The following FOXP2 variants were observed in gnomAD, a reference collection of about 807,000 sequenced individuals.
The protein encoded by FOXP2 is forkhead box P2.
Under a neutral mutation model 115.8 loss-of-function variants are expected in FOXP2, and 12 were observed. The ratio of observed to expected loss-of-function variants is 0.10; its 90% confidence interval spans 0.07 to 0.17. The LOEUF (loss-of-function observed/expected upper bound fraction) is 0.17, where lower values mean the gene tolerates loss of function less well. Among genes scored for constraint, FOXP2 ranks in the 10% least tolerant of loss-of-function variants. FOXP2 has a pLI of 1.00. For synonymous variants in FOXP2, 328 were observed against 297.7 expected (o/e 1.10, Z -1.05); for missense variants, 629 against 843.5 (o/e 0.75, Z 3.15).
chr7:114,406,106 T>C (rs2030913), intron 2 of FOXP2, among the ~76,000 whole-genome samples: 77,826 of 151,364 alleles, frequency 0.51, 20,476 homozygotes, highest in East Asian at 0.63. Context: ...CAACAAATTT[T>C]AAGATTTTAA....
intron 2 of FOXP2, among the ~76,000 whole-genome samples, chr7:114,377,541 T>C (rs1792172259): frequency 6.6e-6 from 1 of 152,206 alleles, no homozygotes; most frequent in Non-Finnish European, 1.5e-5. Flanking sequence ...AAATGTGCAG[T>C]CATATTCCCT....
chr7:114,093,340 C>T (rs1799579623), intron 1 of FOXP2, among the ~76,000 whole-genome samples: 1 of 152,150 alleles, frequency 6.6e-6, no homozygotes, highest in African/African-American at 2.4e-5. Context: ...AGTAACAAAT[C>T]CTCATGGATC....
chr7:114,294,821 A>G (rs1796697016), intron 2 of FOXP2, among the ~76,000 whole-genome samples: 1 of 152,014 alleles, frequency 6.6e-6, no homozygotes, highest in East Asian at 1.9e-4. Flanking sequence ...AGCCTGGGCA[A>G]CAGAAGGAGA....
intron 2 of FOXP2, among the ~76,000 whole-genome samples, chr7:114,309,254 G>A (rs932661292): frequency 2.0e-5 from 3 of 152,086 alleles, no homozygotes; most frequent in Non-Finnish European, 2.9e-5. Context: ...CTCTCTTCTC[G>A]TCACTCTGTG....
intron 2 of FOXP2, among the ~76,000 whole-genome samples, chr7:114,345,981 G>A (rs1000159372): frequency 1.3e-5 from 2 of 151,638 alleles, no homozygotes; most frequent in Non-Finnish European, 3.0e-5. Context: ...CATAGTTATA[G>A]TTTTTATAGT....
chr7:114,595,823 C>T (rs1344876446), intron 3 of FOXP2, among the ~76,000 whole-genome samples: 1 of 151,978 alleles, frequency 6.6e-6, no homozygotes, highest in Non-Finnish European at 1.5e-5. Flanking sequence ...AGGAGAATCA[C>T]ATATCCAGTT....
intron 2 of FOXP2, among the ~76,000 whole-genome samples, chr7:114,445,859 G>A (rs565075461): frequency 1.3e-5 from 2 of 152,162 alleles, no homozygotes; most frequent in African/African-American, 4.8e-5. Flanking sequence ...TTAAGTGCAT[G>A]ATACTCTATC....
chr7:114,541,097 A>G (rs971897826), intron 3 of FOXP2, among the ~76,000 whole-genome samples: 10 of 152,212 alleles, frequency 6.6e-5, no homozygotes, highest in Middle Eastern at 3.4e-3. Flanking sequence ...AAAACTATTT[A>G]GGTAGGCATG....
chr7:114,456,449 T>C (rs1387842930), intron 2 of FOXP2, among the ~76,000 whole-genome samples: 3 of 152,216 alleles, frequency 2.0e-5, no homozygotes, highest in Admixed American at 6.5e-5. Flanking sequence ...GCAACAAAAC[T>C]TTTTCAACTG....
Position 114,664,177 on chromosome 7 carries a change from T to G in FOXP2, c.1840-96T>G. 16 of 1,338,694 alleles carry G rather than the reference T, an allele frequency of 1.2e-5. No homozygotes were observed. In the South Asian group the frequency reaches 2.0e-4, roughly 17 times the overall value. 82.9% of individuals were successfully genotyped at this position (1,338,694 alleles called of 1,614,324 possible). A position where few individuals can be genotyped will look rare whatever the true frequency, so the allele number is the denominator to read the frequency against. On this transcript the variant is annotated intron_variant, in intron 15 of 16. Coordinates refer to ENST00000350908, the MANE Select transcript of FOXP2 (RefSeq NM_014491.4). ...TCTTTTAATCCTTCTAAAATATCTA[T>G]TTCCTTATTGGAACCCATTAAAAGA...
intron 1 of FOXP2, among the ~76,000 whole-genome samples, chr7:114,090,657 C>T (rs997231402): frequency 6.6e-6 from 1 of 151,706 alleles, no homozygotes; most frequent in Non-Finnish European, 1.5e-5. Flanking sequence ...ATTCTAATGC[C>T]TAATTCAAAT....
At chr7:114,417,030 A>T (rs1401375765) in intron 1 of FOXP2, among the ~76,000 whole-genome samples, 2 of 151,962 alleles carry the variant, frequency 1.3e-5, no homozygotes, top group African/African-American at 4.8e-5. Context: ...TTACTTTATT[A>T]TTCATGAAGG....
intron 2 of FOXP2, among the ~76,000 whole-genome samples, chr7:114,314,295 T>C (rs1584629397): frequency 6.6e-6 from 1 of 150,874 alleles, no homozygotes; most frequent in East Asian, 1.9e-4. Context: ...TGAAACTGTT[T>C]CCTTTCTGTT....
At chr7:114,414,711 A>ACT (rs1295587575), upstream of FOXP2, 1 of 168,326 alleles carries the variant, frequency 5.9e-6, no homozygotes, top group Non-Finnish European at 1.3e-5. Flanking sequence ...ATTTTTGTAA[A>ACT]CTACTTCCTT....
chr7:114,371,171 C>G (rs962420854), intron 2 of FOXP2, among the ~76,000 whole-genome samples: 3 of 152,034 alleles, frequency 2.0e-5, no homozygotes, highest in African/African-American at 7.2e-5. Flanking sequence ...GCCTGGTCCT[C>G]CTGGGCTCAG....
At chr7:114,324,646 T>A (rs563358525) in intron 2 of FOXP2, among the ~76,000 whole-genome samples, 1 of 151,982 alleles carries the variant, frequency 6.6e-6, no homozygotes, top group South Asian at 2.1e-4. Context: ...GCGACTGTTA[T>A]CTATCTATGA....
intron 1 of FOXP2, among the ~76,000 whole-genome samples, chr7:114,111,732 GAA>G (rs1187128864): frequency 1.3e-5 from 2 of 152,040 alleles, no homozygotes; most frequent in East Asian, 3.9e-4. Context: ...CTGGTTGGAG[GAA>G]GAGATCTGTA....
chr7:114,643,701 A>C (rs745624869), intron 7 of FOXP2, among the ~76,000 whole-genome samples: 1 of 152,180 alleles, frequency 6.6e-6, no homozygotes, highest in Non-Finnish European at 1.5e-5. Flanking sequence ...AGTAATTTGC[A>C]TATAGTTCAT....
At position 114,440,741 on chromosome 7, in the gene FOXP2, T is replaced by C. The variant is rs79466125; in HGVS notation, c.168+14062T>C. Among the ~76,000 whole-genome samples the C allele has an allele frequency of 2.7e-3, 404 of 152,342 alleles. 1 individual carries two copies. The highest frequency in any genetic ancestry group is 7.9e-3 in the African/African-American group (330 of 41,588). On this transcript the variant is annotated intron_variant, in intron 2 of 16. Transcript: ENST00000350908. ...CTTATAAAATTTAGTAACTTTGCCA[T>C]ATATCATCCATGGCTATTCTACAGA... is the stretch of plus-strand genomic sequence containing the variant.
Sources: gnomAD v4.1 joint callset for allele counts (sites outside exome capture counted in the v4.1 genomes callset) on GRCh38, gnomAD v4.1.1 for gene constraint, MANE v1.5 for transcripts, NCBI Gene and HGNC (gene_info 2026-07-23, HGNC 2026-07-21) for gene names.